KIAA0825: variants seen among roughly 807,000 people sequenced by gnomAD.
The protein encoded by KIAA0825 is uncharacterized protein KIAA0825.
Under a neutral mutation model 147.6 loss-of-function variants are expected in KIAA0825, and 119 were observed. The ratio of observed to expected loss-of-function variants is 0.81; its 90% CI spans 0.69 to 0.94. KIAA0825 has a LOEUF of 0.94. KIAA0825 is among the 40% of genes least tolerant of loss of function. KIAA0825 has a pLI of 0.00. For missense variants in KIAA0825, 1,381 were observed against 1,472.7 expected, an observed-to-expected ratio of 0.94 and a Z score of 1.02; for synonymous variants, 470 against 518.1, an observed-to-expected ratio of 0.91 and a Z score of 1.26.
At chr5:94,255,590 T>C (rs1456672191) in intron 20 of KIAA0825, among the ~76,000 whole-genome samples, 2 of 151,828 alleles carry the variant, frequency 1.3e-5, no homozygotes, top group African/African-American at 4.8e-5. Flanking sequence ...AGAAATATGG[T>C]TTTTATTTTT....
chr5:94,454,584 A>G (rs1758846523), intron 12 of KIAA0825, among the ~76,000 whole-genome samples: 1 of 152,198 alleles, frequency 6.6e-6, no homozygotes, highest in Non-Finnish European at 1.5e-5. Flanking sequence ...GTATTCCACT[A>G]TGTGAGCTAG....
At chr5:94,283,197 C>T (rs1777535168) in intron 20 of KIAA0825, among the ~76,000 whole-genome samples, 1 of 152,016 alleles carries the variant, frequency 6.6e-6, no homozygotes, top group Middle Eastern at 3.2e-3. Flanking sequence ...AATAATAATA[C>T]TACTCTTGAT....
At chr5:94,188,325 A>G (rs1770349374) in intron 20 of KIAA0825, among the ~76,000 whole-genome samples, 1 of 152,218 alleles carries the variant, frequency 6.6e-6, no homozygotes, top group Admixed American at 6.5e-5. Flanking sequence ...ATTTGTAAGT[A>G]TTTGGACCTC....
chr5:94,247,890 A>G (rs1448521076), intron 20 of KIAA0825, among the ~76,000 whole-genome samples: 1 of 152,128 alleles, frequency 6.6e-6, no homozygotes, highest in Non-Finnish European at 1.5e-5. Flanking sequence ...GAGATTTACT[A>G]GGAAAATATA....
At chr5:94,182,553 C>T (rs1769758073) in intron 20 of KIAA0825, among the ~76,000 whole-genome samples, 1 of 151,910 alleles carries the variant, frequency 6.6e-6, no homozygotes, top group Non-Finnish European at 1.5e-5. Flanking sequence ...AGCCACCATG[C>T]CCAGCCGTAA....
chr5:94,472,642 G>A (rs1761359730), intron 8 of KIAA0825, among the ~76,000 whole-genome samples: 1 of 152,088 alleles, frequency 6.6e-6, no homozygotes, highest in Non-Finnish European at 1.5e-5. Flanking sequence ...TACTCGGGAG[G>A]GTGAGGCAGG....
chr5:94,464,209 A>G (rs760236849), intron 11 of KIAA0825, among the ~76,000 whole-genome samples: 2 of 152,126 alleles, frequency 1.3e-5, no homozygotes, highest in Non-Finnish European at 2.9e-5. Context: ...TCATATACAT[A>G]CAAGACCACT....
chr5:94,214,290 C>T (rs1773013099), intron 20 of KIAA0825, among the ~76,000 whole-genome samples: 1 of 152,138 alleles, frequency 6.6e-6, no homozygotes, highest in Admixed American at 6.6e-5. Context: ...TCATACCCTT[C>T]CTTCCTTTAT....
At position 94,602,224 on chromosome 5, in the gene KIAA0825, A is replaced by C. The variant is rs1371428750; in HGVS notation, c.-153+16276T>G. Among the ~76,000 whole-genome samples, 3 of 152,132 alleles carry C rather than the reference A, an allele frequency of 2.0e-5. No homozygotes were observed. In the East Asian group the frequency reaches 5.8e-4, roughly 30 times the overall value. ...AAATTAGCCAGGTGTGGTAGCGGGC[A>C]CCTGTAGTCCCAGCTACTCGGGAGG... On this transcript the variant is annotated intron_variant, in intron 1 of 20. Coordinates refer to ENST00000682413, the MANE Select transcript of KIAA0825 (RefSeq NM_001145678.3).
intron 20 of KIAA0825, among the ~76,000 whole-genome samples, chr5:94,268,442 G>T (rs1427640542): frequency 2.0e-5 from 3 of 152,066 alleles, no homozygotes; most frequent in African/African-American, 7.2e-5. Context: ...CTTCAAGGGG[G>T]CACTGGATTA....
intron 20 of KIAA0825, among the ~76,000 whole-genome samples, chr5:94,277,579 A>T (rs992150738): frequency 2.0e-5 from 3 of 152,222 alleles, no homozygotes; most frequent in African/African-American, 7.2e-5. Context: ...ACCAGTTAGA[A>T]TGGTGATCAT....
chr5:94,607,349 G>C (rs1376714629), intron 1 of KIAA0825, among the ~76,000 whole-genome samples: 1 of 152,120 alleles, frequency 6.6e-6, no homozygotes, highest in East Asian at 1.9e-4. Flanking sequence ...CAGGCTGGGT[G>C]CGGTGGCTCA....
At chr5:94,457,138 G>T (rs574078775) in intron 12 of KIAA0825, among the ~76,000 whole-genome samples, 6 of 152,284 alleles carry the variant, frequency 3.9e-5, no homozygotes, top group Non-Finnish European at 5.9e-5. Context: ...TCCACAGCAA[G>T]ATCCCAAATT....
chr5:94,338,331 A>G (rs2150318068), intron 20 of KIAA0825, among the ~76,000 whole-genome samples: 1 of 151,160 alleles, frequency 6.6e-6, no homozygotes, highest in South Asian at 2.1e-4. Context: ...ATTATGTGGG[A>G]AAAGAATCCT....
At chr5:94,306,780 G>A (rs1778771297) in intron 20 of KIAA0825, among the ~76,000 whole-genome samples, 1 of 151,750 alleles carries the variant, frequency 6.6e-6, no homozygotes, top group South Asian at 2.1e-4. Context: ...GGATGTTGCA[G>A]CCCTCATTTC....
At chr5:94,187,994 G>A (rs940806408) in intron 20 of KIAA0825, among the ~76,000 whole-genome samples, 2 of 152,130 alleles carry the variant, frequency 1.3e-5, no homozygotes, top group African/African-American at 2.4e-5. Context: ...GGTCACAAAA[G>A]TATTGCTCTC....
chr5:94,349,914 A>T (rs1783451666), intron 20 of KIAA0825, among the ~76,000 whole-genome samples: 1 of 152,136 alleles, frequency 6.6e-6, no homozygotes, highest in Non-Finnish European at 1.5e-5. Context: ...ACCCAGCAGA[A>T]AAAGGAAATA....
intron 20 of KIAA0825, among the ~76,000 whole-genome samples, chr5:94,326,514 T>C (rs1780710082): frequency 6.6e-6 from 1 of 152,208 alleles, no homozygotes; most frequent in Non-Finnish European, 1.5e-5. Flanking sequence ...TTGATCTCAC[T>C]GACTAAGGCA....
chr5:94,300,599 A>G (rs1778352017), intron 20 of KIAA0825, among the ~76,000 whole-genome samples: 1 of 152,182 alleles, frequency 6.6e-6, no homozygotes, highest in African/African-American at 2.4e-5. Context: ...TTTCAGTCAT[A>G]TTAATGTTTA....
Sources: gnomAD v4.1 joint callset for allele counts (sites outside exome capture counted in the v4.1 genomes callset) on GRCh38, gnomAD v4.1.1 for gene constraint, MANE v1.5 for transcripts, NCBI Gene and HGNC (gene_info 2026-07-23, HGNC 2026-07-21) for gene names.